The following CDC27 variants were observed in gnomAD, a reference collection of about 807,000 sequenced individuals.
CDC27 encodes the protein cell division cycle protein 27 homolog.
CDC27 carries 27 observed loss-of-function variants against 109.7 expected under a neutral mutation model. That is an observed-to-expected ratio of 0.25 (90% CI 0.18 to 0.34). CDC27 has a LOEUF of 0.34. Ranked by LOEUF, CDC27 falls within the 10% of genes least tolerant of loss-of-function variation. CDC27 has a pLI of 1.00. For missense variants in CDC27, 579 were observed against 960.2 expected, an observed-to-expected ratio of 0.60 and a Z score of 5.25; for synonymous variants, 266 against 333.9, an observed-to-expected ratio of 0.80 and a Z score of 2.22.
intron 2 of CDC27, among the ~76,000 whole-genome samples, chr17:47,172,789 T>G (rs980003793): frequency 3.3e-5 from 5 of 152,268 alleles, no homozygotes; most frequent in African/African-American, 9.6e-5. Flanking sequence ...GATCATCACT[T>G]CACTTCTATC....
chr17:47,131,439 GATAGT>G (rs2062329121), intron 15 of CDC27, among the ~76,000 whole-genome samples: 1 of 151,850 alleles, frequency 6.6e-6, no homozygotes, highest in Non-Finnish European at 1.5e-5. Flanking sequence ...CTCTCCCCAA[GATAGT>G]GACATTTCAA....
At position 47,143,983 on chromosome 17, in the gene CDC27, C is replaced by A; in HGVS notation, c.1071-1G>T. ...GGGGCTCAATACCTGAGGTGTTGTACTAAAAAAAAATTATAAAGGAAGACA... is the reference window on the plus strand; with the variant it reads ...GGGGCTCAATACCTGAGGTGTTGTAATAAAAAAAAATTATAAAGGAAGACA... On this transcript the variant is annotated splice_acceptor_variant, in intron 9 of 18. Transcript: ENST00000066544. LOFTEE classifies it high-confidence loss of function. 2.9e-6 allele frequency: 4 copies of A among 1,372,268 alleles called. No homozygotes were observed. The highest frequency in any genetic ancestry group is 1.9e-6 in the Non-Finnish European group (2 of 1,039,952). The allele number at this position is 1,372,268 out of a possible 1,614,324, so 85.0% of individuals were successfully genotyped here. A position where few individuals can be genotyped will look rare whatever the true frequency, so the allele number is the denominator to read the frequency against.
chr17:47,124,710 A>ATCT (rs768494356), intron 16 of CDC27, among the ~76,000 whole-genome samples: 11 of 152,198 alleles, frequency 7.2e-5, no homozygotes, highest in Non-Finnish European at 1.5e-4. Flanking sequence ...TCTCACATCT[A>ATCT]TCTGCTTCTC....
At chr17:47,145,457 C>T (rs2062927581) in intron 9 of CDC27, among the ~76,000 whole-genome samples, 2 of 152,146 alleles carry the variant, frequency 1.3e-5, no homozygotes, top group Non-Finnish European at 2.9e-5. Context: ...TGGTCCACGT[C>T]CCAGGCTCCT....
chr17:47,135,735 T>A (rs1177439472), intron 14 of CDC27, among the ~76,000 whole-genome samples: 1 of 151,976 alleles, frequency 6.6e-6, no homozygotes, highest in Non-Finnish European at 1.5e-5. Context: ...TTAAGTTTTT[T>A]AAGAATGCAA....
At chr17:47,151,986 A>T in intron 8 of CDC27, 68 bp from the exon 9 acceptor site, 1 of 1,434,962 alleles carries the variant, frequency 7.0e-7, no homozygotes, top group Non-Finnish European at 9.3e-7. Context: ...AAGACAACAC[A>T]ACGCTCCCAT....
At chr17:47,128,216 A>C (rs1285614196) in intron 16 of CDC27, among the ~76,000 whole-genome samples, 1 of 152,054 alleles carries the variant, frequency 6.6e-6, no homozygotes, top group African/African-American at 2.4e-5. Context: ...TTTTTGGTAG[A>C]GATGGGGTTT....
intron 8 of CDC27, 59 bp downstream of exon 8, chr17:47,154,613 G>A (rs917907806): frequency 1.0e-5 from 9 of 879,846 alleles, no homozygotes; most frequent in Non-Finnish European, 1.3e-5. Context: ...ACCTTTAAAA[G>A]ATTGAAATAA....
intron 7 of CDC27, among the ~76,000 whole-genome samples, chr17:47,155,671 C>A (rs572715704): frequency 6.6e-6 from 1 of 152,232 alleles, no homozygotes; most frequent in Admixed American, 6.5e-5. Flanking sequence ...ATAGGTGTGA[C>A]AGCTAGGTTC....
chr17:47,130,981 G>C (rs564593461), intron 15 of CDC27, among the ~76,000 whole-genome samples: 1 of 152,110 alleles, frequency 6.6e-6, no homozygotes, highest in South Asian at 2.1e-4. Context: ...AGAATAGGTA[G>C]TGCCAACGTC....
intron 13 of CDC27, 46 bp downstream of exon 13, chr17:47,138,693 T>C: frequency 7.4e-7 from 1 of 1,351,230 alleles, no homozygotes; most frequent in African/African-American, 1.4e-5. Flanking sequence ...CTGTTGAGGG[T>C]GATCAAAAAG....
chr17:47,183,466 G>A (rs901936792), intron 1 of CDC27, among the ~76,000 whole-genome samples: 1 of 152,146 alleles, frequency 6.6e-6, no homozygotes, highest in Admixed American at 6.5e-5. Context: ...AGAAAGAACA[G>A]TAATGAACTT....
intron 4 of CDC27, among the ~76,000 whole-genome samples, chr17:47,169,596 GA>G (rs1197058373): frequency 6.9e-6 from 1 of 144,002 alleles, no homozygotes; most frequent in Non-Finnish European, 1.5e-5. Flanking sequence ...AGTGAACTGA[GA>G]TCACACCATT....
chr17:47,186,211 A>G (rs2064429055), intron 1 of CDC27, among the ~76,000 whole-genome samples: 1 of 152,186 alleles, frequency 6.6e-6, no homozygotes, highest in Non-Finnish European at 1.5e-5. Context: ...CTGCTCATAT[A>G]ATGGTTATTC....
intron 14 of CDC27, among the ~76,000 whole-genome samples, chr17:47,135,974 A>C (rs1425365147): frequency 6.6e-6 from 1 of 152,098 alleles, no homozygotes; most frequent in Non-Finnish European, 1.5e-5. Context: ...TCCCGTCTCT[A>C]CTAAAAATAC....
intron 4 of CDC27, 21 bp downstream of exon 4, chr17:47,169,896 G>A (rs1347948525): frequency 6.4e-7 from 1 of 1,551,428 alleles, no homozygotes; most frequent in Non-Finnish European, 8.7e-7. Context: ...TTTTCTGACA[G>A]TTTGAATCAT....
At chr17:47,154,998 A>C (rs2063258803) in intron 7 of CDC27, 1 of 384,912 alleles carries the variant, frequency 2.6e-6, no homozygotes, top group African/African-American at 2.1e-5. Context: ...CAAGGAACTA[A>C]ACTGAGCAAC....
In CDC27 at chr17:47,142,375, C is replaced by G; in HGVS notation, c.1232G>C (p.Ser411Thr). The G allele has an allele frequency of 1.3e-6, 2 of 1,524,710 alleles. No individual in the cohort carries two copies. The highest frequency in any genetic ancestry group is 1.8e-6 in the Non-Finnish European group (2 of 1,113,220). The allele number at this position is 1,524,710 out of a possible 1,614,324, so 94.4% of individuals were successfully genotyped here. A position where few individuals can be genotyped will look rare whatever the true frequency, so the allele number is the denominator to read the frequency against. ...PPKIPNRKTK[S>T]KTNKGGITQP... The stretch of plus-strand genomic sequence containing the variant: ...AGTTATTCCTCCTTTATTAGTTTTA[C>G]TTTTTGTTTTTCTGTTTGGGATTTT... Residue 411 changes from serine (S) to threonine (T), a missense_variant, in exon 11 of 19, where the codon AGT becomes ACT. Around this residue, in one of 9 missense-constraint regions of CDC27, gnomAD observed 58 missense variants for 116.6 expected, o/e 0.50. Transcript: ENST00000066544.
intron 16 of CDC27, among the ~76,000 whole-genome samples, chr17:47,125,557 CTT>C (rs577379393): frequency 6.9e-6 from 1 of 145,378 alleles, no homozygotes; most frequent in Non-Finnish European, 1.5e-5. Flanking sequence ...TTAAAGAAAT[CTT>C]TTTTTTTTTC....
Sources: gnomAD v4.1 joint callset for allele counts (sites outside exome capture counted in the v4.1 genomes callset) on GRCh38, gnomAD v4.1.1 for gene constraint, gnomAD v4.1.1 regional missense constraint, MANE v1.5 for transcripts, NCBI Gene and HGNC (gene_info 2026-07-23, HGNC 2026-07-21) for gene names.